The following JOSD2 variants were observed in gnomAD, a reference collection of about 807,000 sequenced individuals.
JOSD2 encodes Josephin domain containing 2.
Under a neutral mutation model 19.3 loss-of-function variants are expected in JOSD2, and 20 were observed. The observed-to-expected ratio is 1.04, with a 90% CI of 0.73 to 1.51. JOSD2 has a LOEUF of 1.51. Ranked by LOEUF, JOSD2 falls within the 40% of genes most tolerant of loss-of-function variation. The pLI is 0.00. For missense variants in JOSD2, 215 were observed against 250.4 expected, an observed-to-expected ratio of 0.86 and a Z score of 0.95; for synonymous variants, 118 against 123.7, an observed-to-expected ratio of 0.95 and a Z score of 0.31.
At chr19:50,510,739 G>A (rs1201923959) in intron 1 of JOSD2, among the ~76,000 whole-genome samples, 2 of 152,006 alleles carry the variant, frequency 1.3e-5, no homozygotes, top group Non-Finnish European at 2.9e-5. Flanking sequence ...AGCAACAGAG[G>A]AACCTGCCTC....
chr19:50,508,081 G>A, intron 2 of JOSD2: 1 of 318,052 alleles, frequency 3.1e-6, no homozygotes, highest in Non-Finnish European at 6.0e-6. Flanking sequence ...GATGGGCTCT[G>A]TCTTCTCCCG....
rs999382671 is a variant in JOSD2 at position 50,511,187 on chromosome 19, C to G, written c.-88G>C. 3 of 437,588 alleles carry G rather than the reference C, an allele frequency of 6.9e-6. No individual in the cohort carries two copies. Among genetic ancestry groups the G allele is most frequent in the Non-Finnish European group, 1.4e-5 (3 of 216,820 alleles). The allele number at this position is 437,588 out of a possible 1,614,324, so 27.1% of individuals were successfully genotyped here. On this transcript the variant is annotated 5_prime_UTR_variant, in exon 1 of 5. Coordinates refer to ENST00000598418, the MANE Select transcript of JOSD2 (RefSeq NM_001270639.2). ...CTTCCTGGGCGGCGGCTCTGGGCTC[C>G]GAGTGCGGGGCGGGCAACACCGCGC...
chr19:50,507,508 C>A (rs1979447362), intron 3 of JOSD2, 66 bp downstream of exon 3: 2 of 1,514,458 alleles, frequency 1.3e-6, no homozygotes, highest in Non-Finnish European at 8.8e-7. Context: ...TGCCCCCCAA[C>A]AGGCTCACAC....
chr19:50,511,027 G>A (rs1979809341), intron 1 of JOSD2, 90 bp downstream of exon 1: 2 of 443,720 alleles, frequency 4.5e-6, no homozygotes, highest in African/African-American at 4.1e-5. Flanking sequence ...CCAGCAACCA[G>A]GCCCCCTCCC....
intron 2 of JOSD2, among the ~76,000 whole-genome samples, chr19:50,509,516 G>T (rs1979601448): frequency 6.6e-6 from 1 of 152,204 alleles, no homozygotes; most frequent in South Asian, 2.1e-4. Flanking sequence ...GCTCACGGGA[G>T]TGGAGAGTCT....
chr19:50,507,871 C>G, intron 2 of JOSD2, 172 bp from the exon 3 acceptor site: 3 of 767,042 alleles, frequency 3.9e-6, no homozygotes, highest in Non-Finnish European at 4.1e-6. Flanking sequence ...GCCCTGTCCC[C>G]AAGTCCTGTC....
intron 2 of JOSD2, 103 bp downstream of exon 2, chr19:50,510,183 A>T: frequency 7.1e-7 from 1 of 1,405,590 alleles, no homozygotes; most frequent in East Asian, 2.4e-5. Flanking sequence ...AGCGCGGAGC[A>T]GAAGAAAGCC....
rs967548648 is a variant in JOSD2, at chr19:50,509,779, T to C, written c.146+507A>G. Among the ~76,000 whole-genome samples the C allele has an allele frequency of 3.3e-5, 5 of 151,100 alleles. No homozygotes were observed. In the East Asian group the frequency reaches 9.9e-4, roughly 30 times the overall value. ...CTAAAGAAAGAACCACTGGGCCGGG[T>C]GCAGTGGCTCACGCCTGTAATCCTA... On this transcript the variant is annotated intron_variant, in intron 2 of 4. Transcript: ENST00000598418.
chr19:50,510,240 C>T, intron 2 of JOSD2, 46 bp downstream of exon 2: 1 of 1,612,250 alleles, frequency 6.2e-7, no homozygotes, highest in Non-Finnish European at 8.5e-7. Context: ...GTGGGTCACT[C>T]CGCCAGAGCT....
chr19:50,506,453 T>C lies in JOSD2; in HGVS notation c.392A>G (p.Gln131Arg). Reference protein sequence around the residue: ...LRRRHWVALRQVDGVYYNLDS... With the variant: ...LRRRHWVALRRVDGVYYNLDS... ...CAGGTTGTAGTAGACACCGTCCACC[T>C]GGCGCAGGGCCACCCAGTGCCGCCG... is the stretch of plus-strand genomic sequence containing the variant. The change falls in exon 4 of 5, where the codon CAG becomes CGG. Residue 131 changes from glutamine (Q) to arginine (R), a missense_variant. Coordinates refer to ENST00000598418, the MANE Select transcript of JOSD2 (RefSeq NM_001270639.2). The C allele has an allele frequency of 6.3e-7, 1 of 1,592,610 alleles. No homozygotes were observed. Among genetic ancestry groups the C allele is most frequent in the Non-Finnish European group, 8.5e-7 (1 of 1,170,852 alleles).
rs757848718 is a variant in JOSD2 at position 50,506,428 on chromosome 19, C to T, written c.417G>A (p.Leu139=). The change falls in exon 4 of 5, where the codon CTG becomes CTA. Residue 139 remains leucine (L), a synonymous_variant. Coordinates refer to ENST00000598418, the MANE Select transcript of JOSD2 (RefSeq NM_001270639.2). The stretch of plus-strand genomic sequence containing the variant: ...CCTCGGGCGCCCGCAGCTTGGAGTC[C>T]AGGTTGTAGTAGACACCGTCCACCT... The part of the protein sequence containing the change: ...LRQVDGVYYN[L]DSKLRAPEAL... 3.7e-6 allele frequency: 6 copies of T among 1,604,108 alleles called. No individual in the cohort carries two copies. In the African/African-American group the frequency reaches 5.4e-5, roughly 14 times the overall value.
chr19:50,510,386 G>GCT lies in JOSD2; in HGVS notation c.45_46insAG (p.His16SerfsTer42). 6.2e-7 allele frequency: 1 copy of GCT among 1,613,354 alleles called. No individual in the cohort carries two copies. The highest frequency in any genetic ancestry group is 8.5e-7 in the Non-Finnish European group (1 of 1,179,854). ...CACAGCTCCAGGCGCTGCCGTTCGT[G>GCT]GTACACGGTGGGTGGGCTCGGCTGT... On this transcript the variant is annotated frameshift_variant, in exon 2 of 5. Coordinates refer to ENST00000598418, the MANE Select transcript of JOSD2 (RefSeq NM_001270639.2). LOFTEE classifies it high-confidence loss of function.
rs1385500638 is a variant in JOSD2 at position 50,506,518 on chromosome 19, G to C, written c.327C>G (p.Pro109=). 1.3e-6 allele frequency: 2 copies of C among 1,553,014 alleles called. No homozygotes were observed. The highest frequency in any genetic ancestry group is 1.7e-6 in the Non-Finnish European group (2 of 1,148,874). ...ACAGCAGCCCCAGCGACACGGGCGA[G>C]GGCAGGTTCAGGATCAGCCCCAGTA... ...PQVLGLILNL[P]SPVSLGLLSL... The change falls in exon 4 of 5, where the codon CCC becomes CCG. Residue 109 remains proline (P), a synonymous_variant. Coordinates refer to ENST00000598418, the MANE Select transcript of JOSD2 (RefSeq NM_001270639.2).
intron 3 of JOSD2, among the ~76,000 whole-genome samples, chr19:50,507,060 A>C (rs1979406794): frequency 5.2e-5 from 7 of 134,494 alleles, no homozygotes; most frequent in East Asian, 2.3e-4. Flanking sequence ...CCACCCAACC[A>C]CCATCACCAT....
rs1568701379 is a variant in JOSD2 at position 50,507,572 on chromosome 19, A to C, written c.272+2T>G. ...CACATGCTGTGCTGCTCTGGGGCCT[A>C]CCTCCTCCTGTCCCACCACACGGCG... On this transcript the variant is annotated splice_donor_variant, in intron 3 of 4. Transcript: ENST00000598418. LOFTEE classifies it high-confidence loss of function. The C allele has an allele frequency of 1.9e-6, 3 of 1,602,338 alleles. No individual in the cohort carries two copies. Among genetic ancestry groups the C allele is most frequent in the Admixed American group, 1.7e-5 (1 of 59,776 alleles).
At chr19:50,509,319 C>T (rs566652762) in intron 2 of JOSD2, among the ~76,000 whole-genome samples, 119 of 152,118 alleles carry the variant, frequency 7.8e-4, no homozygotes, top group Non-Finnish European at 1.6e-3. Flanking sequence ...TCTGGAATTC[C>T]TGACCTCAAG....
At chr19:50,510,998 G>A (rs73589081) in intron 1 of JOSD2, 119 bp downstream of exon 1, 5,473 of 423,522 alleles carry the variant, frequency 0.013, 285 homozygotes, top group African/African-American at 0.1. Flanking sequence ...TAAGCAACAG[G>A]AGTTCCTCTT....
At chr19:50,508,076 GCT>G (rs950574791) in intron 2 of JOSD2, 2 of 325,334 alleles carry the variant, frequency 6.1e-6, no homozygotes, top group Non-Finnish European at 5.9e-6. Context: ...CCCCAGATGG[GCT>G]CTGTCTTCTC....
chr19:50,507,429 C>T, intron 3 of JOSD2, 145 bp downstream of exon 3: 1 of 1,136,956 alleles, frequency 8.8e-7, no homozygotes, highest in Non-Finnish European at 1.2e-6. Context: ...ACCTGATCTC[C>T]CCCTTTCAAC....
Sources: gnomAD v4.1 joint callset for allele counts (sites outside exome capture counted in the v4.1 genomes callset) on GRCh38, gnomAD v4.1.1 for gene constraint, MANE v1.5 for transcripts, NCBI Gene and HGNC (gene_info 2026-07-23, HGNC 2026-07-21) for gene names.